Variants in TMEM132D observed in about 807,000 individuals in gnomAD.
TMEM132D encodes the protein transmembrane protein 132D, also known as mature OL transmembrane protein.
A neutral mutation model predicts 62.3 loss-of-function variants in TMEM132D; 21 were observed. That is an observed-to-expected ratio of 0.34 (90% CI 0.24 to 0.49). The LOEUF (loss-of-function observed/expected upper bound fraction) is 0.49, where lower values mean the gene tolerates loss of function less well. Ranked by LOEUF, TMEM132D falls within the 20% of genes least tolerant of loss-of-function variation. The pLI is 0.99. For synonymous variants in TMEM132D, 621 were observed against 575.6 expected (o/e 1.08, Z -1.13); for missense variants, 1,346 against 1,402.8 (o/e 0.96, Z 0.65).
At chr12:129,264,430 G>A (rs143195674) in intron 4 of TMEM132D, among the ~76,000 whole-genome samples, 15 of 152,206 alleles carry the variant, frequency 9.9e-5, no homozygotes, top group Non-Finnish European at 1.6e-4. Flanking sequence ...ACATTTTGGC[G>A]TGGATGCTGT....
chr12:129,398,636 C>T (rs75254534), intron 3 of TMEM132D, among the ~76,000 whole-genome samples: 4,790 of 152,132 alleles, frequency 0.031, 224 homozygotes, highest in African/African-American at 0.11. Flanking sequence ...GAAAGACACA[C>T]GATATATAAA....
intron 2 of TMEM132D, among the ~76,000 whole-genome samples, chr12:129,699,262 T>C (rs1881312982): frequency 6.6e-6 from 1 of 152,228 alleles, no homozygotes; most frequent in Non-Finnish European, 1.5e-5. Context: ...TTCTACTGTA[T>C]ATTCTTCACA....
chr12:129,261,883 T>C (rs1880558861), intron 4 of TMEM132D, among the ~76,000 whole-genome samples: 1 of 152,168 alleles, frequency 6.6e-6, no homozygotes. Context: ...AAGGGTAGTA[T>C]TTTAACATAA....
intron 1 of TMEM132D, among the ~76,000 whole-genome samples, chr12:129,842,979 T>C (rs1443839027): frequency 1.3e-5 from 2 of 152,188 alleles, no homozygotes; most frequent in Non-Finnish European, 2.9e-5. Context: ...TGAAAAAGTG[T>C]CTCATTACAA....
chr12:129,663,487 C>A (rs1241657886), intron 2 of TMEM132D, among the ~76,000 whole-genome samples: 3 of 152,164 alleles, frequency 2.0e-5, no homozygotes, highest in African/African-American at 4.8e-5. Context: ...AAAACCCCTT[C>A]CAAAGACTTT....
chr12:129,223,804 AGTCATCT>A (rs1433954130), intron 4 of TMEM132D, among the ~76,000 whole-genome samples: 2 of 152,218 alleles, frequency 1.3e-5, no homozygotes, highest in Admixed American at 1.3e-4. Context: ...AACATAATGA[AGTCATCT>A]GTGCTTCGTA....
At position 129,078,738 on chromosome 12, in the gene TMEM132D, A is replaced by G. The variant is rs1360965313; in HGVS notation, c.1924-13T>C. 6.2e-7 allele frequency: 1 copy of G among 1,609,934 alleles called. No homozygotes were observed. Among genetic ancestry groups the G allele is most frequent in the Non-Finnish European group, 8.5e-7 (1 of 1,176,420 alleles). On this transcript the variant is annotated splice_polypyrimidine_tract_variant and intron_variant, in intron 7 of 8. Coordinates refer to ENST00000422113, the MANE Select transcript of TMEM132D (RefSeq NM_133448.3). ...GAGGAGACAGGATCTGGAGGGCAGA[A>G]GCGACATGACAAGGAAAGGCTTTCT...
chr12:129,302,481 C>A (rs903097042), intron 4 of TMEM132D, among the ~76,000 whole-genome samples: 1 of 152,256 alleles, frequency 6.6e-6, no homozygotes, highest in African/African-American at 2.4e-5. Context: ...CAGCCCCTGG[C>A]ACACAACACG....
At chr12:129,848,614 T>C (rs765080255) in intron 1 of TMEM132D, among the ~76,000 whole-genome samples, 9 of 152,218 alleles carry the variant, frequency 5.9e-5, no homozygotes, top group Non-Finnish European at 1.3e-4. Flanking sequence ...AATTAGATAT[T>C]TTCTGTTCAG....
At chr12:129,419,180 TC>T (rs35168563) in intron 3 of TMEM132D, among the ~76,000 whole-genome samples, 24,755 of 151,886 alleles carry the variant, frequency 0.16, 2,278 homozygotes, top group East Asian at 0.3. Flanking sequence ...TCCTTGAGAG[TC>T]CCCAACTCCA....
intron 1 of TMEM132D, among the ~76,000 whole-genome samples, chr12:129,781,065 T>A (rs1871105775): frequency 6.6e-6 from 1 of 152,188 alleles, no homozygotes; most frequent in African/African-American, 2.4e-5. Flanking sequence ...ACAAAGTGAA[T>A]GACAAGGAGT....
At chr12:129,236,928 A>T (rs1879802548) in intron 4 of TMEM132D, among the ~76,000 whole-genome samples, 1 of 152,172 alleles carries the variant, frequency 6.6e-6, no homozygotes, top group Non-Finnish European at 1.5e-5. Flanking sequence ...AAGAGTTTTT[A>T]TCACAAAAAT....
intron 4 of TMEM132D, among the ~76,000 whole-genome samples, chr12:129,284,670 C>T (rs910709674): frequency 6.6e-6 from 1 of 152,192 alleles, no homozygotes; most frequent in Non-Finnish European, 1.5e-5. Flanking sequence ...TCCAAATGCC[C>T]ATTGGCGGAT....
intron 3 of TMEM132D, among the ~76,000 whole-genome samples, chr12:129,340,299 G>A (rs774659580): frequency 7.3e-5 from 11 of 151,462 alleles, no homozygotes; most frequent in Non-Finnish European, 1.5e-4. Context: ...TTCTATGTTG[G>A]GAATTCTTTT....
At chr12:129,876,464 C>T (rs1051377151) in intron 1 of TMEM132D, among the ~76,000 whole-genome samples, 9 of 152,200 alleles carry the variant, frequency 5.9e-5, no homozygotes, top group South Asian at 2.1e-4. Context: ...GTAATCTCCA[C>T]GGCTATTACA....
At chr12:129,440,577 A>C (rs1294013094) in intron 3 of TMEM132D, among the ~76,000 whole-genome samples, 1 of 152,230 alleles carries the variant, frequency 6.6e-6, no homozygotes, top group African/African-American at 2.4e-5. Context: ...TAGCATGGGC[A>C]TATCTAAGAG....
At chr12:129,506,004 A>G (rs1373309908) in intron 3 of TMEM132D, among the ~76,000 whole-genome samples, 2 of 152,222 alleles carry the variant, frequency 1.3e-5, no homozygotes, top group Admixed American at 6.5e-5. Context: ...TAAGTGAAGC[A>G]TTTAGGCCAT....
chr12:129,825,556 G>T (rs1272839309), intron 1 of TMEM132D, among the ~76,000 whole-genome samples: 1 of 152,072 alleles, frequency 6.6e-6, no homozygotes, highest in Non-Finnish European at 1.5e-5. Context: ...GGGACACAAG[G>T]CCCTCCACCT....
intron 3 of TMEM132D, among the ~76,000 whole-genome samples, chr12:129,356,039 G>A (rs1870032267): frequency 1.3e-5 from 2 of 151,930 alleles, no homozygotes; most frequent in South Asian, 4.1e-4. Context: ...ACCCATTCCC[G>A]TCGTACTTTC....
Sources: gnomAD v4.1 joint callset for allele counts (sites outside exome capture counted in the v4.1 genomes callset) on GRCh38, gnomAD v4.1.1 for gene constraint, MANE v1.5 for transcripts, NCBI Gene and HGNC (gene_info 2026-07-23, HGNC 2026-07-21) for gene names.